Variants in CAST observed in about 807,000 individuals in gnomAD.
CAST encodes MIR583 host.
In CAST, 76 loss-of-function variants were observed where a neutral mutation model predicts 119.6. That is an observed-to-expected ratio of 0.64 (90% confidence interval 0.53 to 0.77). The LOEUF is 0.77. Ranked by LOEUF, CAST falls within the 30% of genes least tolerant of loss-of-function variation. The pLI is 0.00. For missense variants in CAST, 953 were observed against 946.5 expected (o/e 1.01, Z -0.09); for synonymous variants, 319 against 331.6 (o/e 0.96, Z 0.41).
At chr5:96,524,977 T>C (rs1166067613), upstream of CAST, among the ~76,000 whole-genome samples, 2 of 152,240 alleles carry the variant, frequency 1.3e-5, no homozygotes, top group Non-Finnish European at 2.9e-5. Flanking sequence ...ATGATATTGA[T>C]TACTGAAGAG....
At chr5:96,322,848 A>G in the CAST span, among the ~76,000 whole-genome samples, 45 of 152,168 alleles carry the variant, frequency 3.0e-4, no homozygotes, top group East Asian at 8.5e-3. Context: ...CCACTACTAC[A>G]CTGATGATGG....
the CAST span, among the ~76,000 whole-genome samples, chr5:96,328,468 T>C: frequency 6.6e-6 from 1 of 150,556 alleles, no homozygotes; most frequent in Non-Finnish European, 1.5e-5. Context: ...ATCCATTTGC[T>C]ACTAGGTTTC....
chr5:96,372,077 G>A, the CAST span, among the ~76,000 whole-genome samples: 1 of 152,080 alleles, frequency 6.6e-6, no homozygotes, highest in South Asian at 2.1e-4. Context: ...ATTACATGAA[G>A]CAACGTTCAC....
At chr5:96,478,511 G>A in the CAST span, among the ~76,000 whole-genome samples, 3 of 152,192 alleles carry the variant, frequency 2.0e-5, no homozygotes, top group African/African-American at 7.2e-5. Context: ...TCTCTGGAAG[G>A]TCAACAGTCC....
chr5:96,769,532 A>G (rs1771460335), intron 29 of CAST: 1 of 152,126 alleles, frequency 6.6e-6, no homozygotes, highest in African/African-American at 2.4e-5. Flanking sequence ...AAATAATAAA[A>G]TGGTTACTGT....
the CAST span, chr5:96,408,363 C>T: frequency 1.0e-5 from 15 of 1,446,136 alleles, no homozygotes; most frequent in Middle Eastern, 1.7e-4. Context: ...AGGGAGAACA[C>T]GTGAGGAGTG....
At chr5:96,770,660 T>A in intron 30 of CAST, 58 bp downstream of exon 30, 1 of 1,163,362 alleles carries the variant, frequency 8.6e-7, no homozygotes, top group Middle Eastern at 1.9e-4. Context: ...GAGTAGGGTT[T>A]ATCATTTCAG....
the CAST span, among the ~76,000 whole-genome samples, chr5:96,506,520 T>A: frequency 2.6e-5 from 4 of 152,164 alleles, no homozygotes; most frequent in Non-Finnish European, 5.9e-5. Flanking sequence ...TCAACACATA[T>A]GTAGGGAACT....
At position 96,638,774 on chromosome 5, in the gene CAST, G is replaced by A. The variant is rs552758416; in HGVS notation, c.61-36765G>A. Among the ~76,000 whole-genome samples, 165 of 152,288 alleles carry A rather than the reference G, an allele frequency of 1.1e-3. 1 individual carries two copies. The highest frequency in any genetic ancestry group is 1.6e-3 in the Non-Finnish European group (108 of 68,016). On this transcript the variant is annotated intron_variant, in intron 1 of 11. Transcript: ENST00000505143. Reference sequence around the variant, plus strand: ...TCCCGTGGGCCTCTTAAGTTCATGGGCCTCAAAATTTTGTGTCAGTTCCAT... The same window carrying A: ...TCCCGTGGGCCTCTTAAGTTCATGGACCTCAAAATTTTGTGTCAGTTCCAT...
At chr5:96,376,032 C>T in the CAST span, among the ~76,000 whole-genome samples, 42 of 150,986 alleles carry the variant, frequency 2.8e-4, 1 homozygote, top group African/African-American at 9.2e-4. Context: ...TCTAATATCA[C>T]ATGCTAATAT....
chr5:95,961,599 C>T, the CAST span: 4 of 1,604,724 alleles, frequency 2.5e-6, no homozygotes, highest in South Asian at 4.4e-5. Context: ...AAGTCTCGAG[C>T]GCCCGGATCG....
chr5:96,398,750 G>A, the CAST span: 8 of 793,132 alleles, frequency 1.0e-5, no homozygotes, highest in East Asian at 1.6e-4. Flanking sequence ...GAAAAAATAA[G>A]CATGTTTTTT....
chr5:96,206,815 A>G, the CAST span, among the ~76,000 whole-genome samples: 1 of 152,100 alleles, frequency 6.6e-6, no homozygotes, highest in Admixed American at 6.6e-5. Flanking sequence ...TATGAAGTTT[A>G]AAATAGTTTT....
the CAST span, among the ~76,000 whole-genome samples, chr5:96,506,958 G>A: frequency 6.6e-6 from 1 of 152,198 alleles, no homozygotes; most frequent in Admixed American, 6.5e-5. Flanking sequence ...TGCTATTGAA[G>A]AGCAGATATG....
the CAST span, among the ~76,000 whole-genome samples, chr5:96,389,979 C>A: frequency 1.3e-5 from 2 of 151,978 alleles, no homozygotes; most frequent in Non-Finnish European, 2.9e-5. Context: ...AATGAGAGAA[C>A]CTCTGGGAAG....
intron 1 of CAST, among the ~76,000 whole-genome samples, chr5:96,622,443 G>A (rs1050182027): frequency 3.1e-4 from 47 of 152,186 alleles, no homozygotes; most frequent in African/African-American, 1.1e-3. Context: ...CACTAAGGGA[G>A]AAAGAGAGAA....
At chr5:96,635,548 T>C (rs1747875213) in intron 1 of CAST, among the ~76,000 whole-genome samples, 1 of 152,340 alleles carries the variant, frequency 6.6e-6, no homozygotes, top group East Asian at 1.9e-4. Flanking sequence ...TTTCTAGCTA[T>C]ATAGATGTAA....
intron 9 of CAST, among the ~76,000 whole-genome samples, chr5:96,735,621 G>C (rs559757534): frequency 1.3e-5 from 2 of 152,310 alleles, no homozygotes; most frequent in African/African-American, 4.8e-5. Context: ...TGCTCCAAGG[G>C]TCAAATTTCA....
chr5:96,681,111 T>C (rs867003773), intron 2 of CAST, among the ~76,000 whole-genome samples: 21 of 152,240 alleles, frequency 1.4e-4, no homozygotes, highest in African/African-American at 3.4e-4. Context: ...ATTTTTTCAT[T>C]TGAAATTTTC....
Sources: allele counts gnomAD v4.1 joint callset (sites outside exome capture counted in the v4.1 genomes callset), GRCh38; gene constraint gnomAD v4.1.1; transcripts MANE v1.5; gene names NCBI Gene and HGNC (gene_info 2026-07-23, HGNC 2026-07-21).